The following TPRG1 variants were observed in gnomAD, a reference collection of about 807,000 sequenced individuals.
The protein encoded by TPRG1 is tumor protein p63 regulated 1, also known as tumor protein p63-regulated gene 1 protein.
A neutral mutation model predicts 29.3 loss-of-function variants in TPRG1; 29 were observed. The ratio of observed to expected loss-of-function variants is 0.99; its 90% CI spans 0.74 to 1.35. TPRG1 has a LOEUF of 1.35. Ranked by LOEUF, TPRG1 falls within the 40% of genes most tolerant of loss-of-function variation. The pLI is 0.00. For missense variants in TPRG1, 327 were observed against 335.0 expected (o/e 0.98, Z 0.19); for synonymous variants, 130 against 116.8 (o/e 1.11, Z -0.73).
intron 4 of TPRG1, among the ~76,000 whole-genome samples, chr3:189,300,401 G>A (rs1302328996): frequency 6.6e-6 from 1 of 152,122 alleles, no homozygotes; most frequent in African/African-American, 2.4e-5. Flanking sequence ...AAATATGCAG[G>A]TTATCATTTC....
At chr3:189,227,534 G>C (rs1450056319) in intron 3 of TPRG1, among the ~76,000 whole-genome samples, 1 of 152,130 alleles carries the variant, frequency 6.6e-6, no homozygotes, top group Non-Finnish European at 1.5e-5. Flanking sequence ...TGAGATTGAC[G>C]CAATTGTAGC....
chr3:189,234,606 G>A (rs572442576), intron 3 of TPRG1, among the ~76,000 whole-genome samples: 8 of 152,212 alleles, frequency 5.3e-5, no homozygotes, highest in African/African-American at 1.4e-4. Flanking sequence ...CCTGAAAGTC[G>A]GGTTCCCCAA....
At chr3:189,303,076 G>A (rs183466191) in intron 4 of TPRG1, among the ~76,000 whole-genome samples, 1 of 152,232 alleles carries the variant, frequency 6.6e-6, no homozygotes. Context: ...AAGCAGTATA[G>A]GAAAGTATTA....
At chr3:189,221,451 G>T (rs967382135) in intron 3 of TPRG1, among the ~76,000 whole-genome samples, 1 of 152,140 alleles carries the variant, frequency 6.6e-6, no homozygotes, top group South Asian at 2.1e-4. Flanking sequence ...AATGGCCAAG[G>T]GTTGCCTCTT....
At chr3:189,247,143 AT>A (rs1277319759) in intron 4 of TPRG1, among the ~76,000 whole-genome samples, 1 of 151,886 alleles carries the variant, frequency 6.6e-6, no homozygotes, top group South Asian at 2.1e-4. Context: ...CTGAAGCTCT[AT>A]TTTTTACCAT....
chr3:189,002,250 C>A (rs922021646), intron 2 of TPRG1, among the ~76,000 whole-genome samples: 3 of 152,174 alleles, frequency 2.0e-5, no homozygotes, highest in African/African-American at 7.2e-5. Context: ...CATTTCCAAC[C>A]TCCTGCTTTG....
At chr3:189,005,687 G>A (rs922130799) in intron 3 of TPRG1, among the ~76,000 whole-genome samples, 1 of 152,068 alleles carries the variant, frequency 6.6e-6, no homozygotes, top group Admixed American at 6.6e-5. Flanking sequence ...TTCATTTTGA[G>A]TTGAGAAGGA....
At chr3:189,228,456 A>C (rs1250251200) in intron 3 of TPRG1, among the ~76,000 whole-genome samples, 4 of 152,228 alleles carry the variant, frequency 2.6e-5, no homozygotes, top group Non-Finnish European at 5.9e-5. Context: ...CTAGGCATGC[A>C]AGGCAGGTTC....
At chr3:189,109,922 T>A (rs914321397) in intron 1 of TPRG1, among the ~76,000 whole-genome samples, 1 of 152,192 alleles carries the variant, frequency 6.6e-6, no homozygotes, top group African/African-American at 2.4e-5. Context: ...TTAAGCCCTA[T>A]GAATCTTATT....
rs539677413 is a variant in TPRG1, at chr3:189,026,450, C to A, written c.-463+2504C>A. The stretch of plus-strand genomic sequence containing the variant: ...TTGACATATGAACTTTGGGGCCACA[C>A]AATTCAGTCTATAACAGGGAGCAAG... On this transcript the variant is annotated intron_variant, in intron 4 of 10. Coordinates refer to the TPRG1 transcript ENST00000433971. 2.0e-5 allele frequency among the ~76,000 whole-genome samples: 3 copies of A among 152,286 alleles called. No individual in the cohort carries two copies. The East Asian group carries it at 5.8e-4, about 29-fold the overall frequency.
At chr3:188,999,113 G>T (rs1711920107) in intron 1 of TPRG1, among the ~76,000 whole-genome samples, 1 of 152,174 alleles carries the variant, frequency 6.6e-6, no homozygotes, top group Non-Finnish European at 1.5e-5. Context: ...GGAGGTAAGG[G>T]TAAGGGTAGT....
chr3:189,181,122 A>G (rs900943994), intron 1 of TPRG1, among the ~76,000 whole-genome samples: 1 of 152,124 alleles, frequency 6.6e-6, no homozygotes, highest in Non-Finnish European at 1.5e-5. Flanking sequence ...CCTAGGCTGC[A>G]CAAGGATGGA....
chr3:189,092,810 C>T (rs1718424899), intron 4 of TPRG1, among the ~76,000 whole-genome samples: 1 of 152,146 alleles, frequency 6.6e-6, no homozygotes, highest in African/African-American at 2.4e-5. Flanking sequence ...ACCAAATTAA[C>T]ATTTTTGAGT....
At chr3:189,301,312 A>G (rs1720802968) in intron 4 of TPRG1, among the ~76,000 whole-genome samples, 1 of 151,258 alleles carries the variant, frequency 6.6e-6, no homozygotes, top group East Asian at 1.9e-4. Context: ...AAAAAAAAAA[A>G]AAAAAAAAAA....
At chr3:189,192,235 A>G (rs1731802616) in intron 1 of TPRG1, among the ~76,000 whole-genome samples, 1 of 152,196 alleles carries the variant, frequency 6.6e-6, no homozygotes, top group Non-Finnish European at 1.5e-5. Context: ...TTCTCTTGTC[A>G]GTTCTAGTTT....
intron 1 of TPRG1, among the ~76,000 whole-genome samples, chr3:189,198,396 G>A (rs1467547651): frequency 6.6e-6 from 1 of 152,132 alleles, no homozygotes; most frequent in African/African-American, 2.4e-5. Flanking sequence ...TCATGTTTCT[G>A]TCACCTCCAC....
rs757847687 is a variant in TPRG1, at chr3:189,118,023, G to T, written c.-743-9034G>T. 3.7e-4 allele frequency among the ~76,000 whole-genome samples: 56 copies of T among 152,324 alleles called. 1 individual carries two copies. The highest frequency in any genetic ancestry group is 7.5e-4 in the Non-Finnish European group (51 of 68,020). On this transcript the variant is annotated intron_variant, in intron 1 of 6. Coordinates refer to the TPRG1 transcript ENST00000412373. ...TGGAGGGCTCAGAAGAAGACAGGAA[G>T]ATGTGGGAAAGTTTGAGACTTCCTA...
chr3:189,222,181 A>G (rs1475547456), intron 3 of TPRG1, among the ~76,000 whole-genome samples: 1 of 152,162 alleles, frequency 6.6e-6, no homozygotes, highest in Non-Finnish European at 1.5e-5. Flanking sequence ...TTGACCAGGA[A>G]CAACAAAAAA....
chr3:189,127,215 G>A (rs560342987), intron 2 of TPRG1: 1 of 152,322 alleles, frequency 6.6e-6, no homozygotes, highest in Non-Finnish European at 1.5e-5. Context: ...TCCAAGGTGA[G>A]TAGAAGGAAC....
Sources: allele counts gnomAD v4.1 joint callset (sites outside exome capture counted in the v4.1 genomes callset), GRCh38; gene constraint gnomAD v4.1.1; transcripts MANE v1.5; gene names NCBI Gene and HGNC (gene_info 2026-07-23, HGNC 2026-07-21).